Variants in MFSD11 observed in about 807,000 individuals in gnomAD.
The protein encoded by MFSD11 is UNC93-like protein MFSD11.
MFSD11 carries 36 observed loss-of-function variants against 53.5 expected under a neutral mutation model. That is an observed-to-expected ratio of 0.67 (90% CI 0.52 to 0.89). The LOEUF (loss-of-function observed/expected upper bound fraction) is 0.89. MFSD11 is among the 40% of genes least tolerant of loss of function. The probability of loss-of-function intolerance (pLI) is 0.00; values close to 1 mark genes in which losing one functional copy is unlikely to be tolerated. For missense variants in MFSD11, 530 were observed against 543.9 expected, an observed-to-expected ratio of 0.97 and a Z score of 0.25; for synonymous variants, 186 against 184.9, an observed-to-expected ratio of 1.01 and a Z score of -0.05.
At position 76,776,598 on chromosome 17, in the gene MFSD11, C is replaced by A; in HGVS notation, c.1185+57C>A. 1.4e-6 allele frequency: 2 copies of A among 1,473,360 alleles called. No homozygotes were observed. The highest frequency in any genetic ancestry group is 1.8e-6 in the Non-Finnish European group (2 of 1,096,672). 91.3% of individuals were successfully genotyped at this position (1,473,360 alleles called of 1,614,324 possible). On this transcript the variant is annotated intron_variant, in intron 12 of 12. Coordinates refer to ENST00000685175, the MANE Select transcript of MFSD11 (RefSeq NM_001242532.5). This position sits in a 1 kb window ranked among gnomAD's most constrained non-coding sequence, Gnocchi z 4.2. ...ATAGGGCTCTTCCCTTTGTGTATTG[C>A]CTTGTTTTCCTTGGTTACTTGTATT...
chr17:76,786,345 A>G (rs899443160), downstream of MFSD11, among the ~76,000 whole-genome samples: 1 of 151,894 alleles, frequency 6.6e-6, no homozygotes, highest in Non-Finnish European at 1.5e-5. Context: ...GGGTTTCGCC[A>G]TGTTGGCCAG....
chr17:76,766,219 C>G (rs2144732659), intron 8 of MFSD11, among the ~76,000 whole-genome samples: 1 of 151,688 alleles, frequency 6.6e-6, no homozygotes, highest in East Asian at 1.9e-4. Flanking sequence ...GAGTTCGAGA[C>G]CAGCCTGGCC....
At chr17:76,759,140 A>G (rs1320642473) in intron 8 of MFSD11, among the ~76,000 whole-genome samples, 2 of 152,136 alleles carry the variant, frequency 1.3e-5, no homozygotes, top group Admixed American at 1.3e-4. Flanking sequence ...CCCAGCTATT[A>G]ATACTTGGAG....
chr17:76,742,182 T>G lies in MFSD11; in HGVS notation c.346T>G (p.Trp116Gly). Reference protein sequence around the residue: ...VFIGIAAAVLWTAQGNCLTIN... With the variant: ...VFIGIAAAVLGTAQGNCLTIN... ...ACTTTTGGGTTGAATTTTAGTGCTTTGGACAGCACAAGGAAACTGCCTGAC... is the reference window on the plus strand; with the variant it reads ...ACTTTTGGGTTGAATTTTAGTGCTTGGGACAGCACAAGGAAACTGCCTGAC... Residue 116 changes from tryptophan (W) to glycine (G), a missense_variant, in exon 5 of 13, where the codon TGG (tryptophan) becomes GGG (glycine). By Grantham distance (184) the Trp-to-Gly change is radical. Transcript: ENST00000685175. The G allele has an allele frequency of 1.9e-6, 3 of 1,614,220 alleles. No homozygotes were observed. The highest frequency in any genetic ancestry group is 2.5e-6 in the Non-Finnish European group (3 of 1,180,038).
chr17:76,751,781 C>A (rs2144388179), intron 7 of MFSD11, among the ~76,000 whole-genome samples: 1 of 151,396 alleles, frequency 6.6e-6, no homozygotes, highest in South Asian at 2.1e-4. Flanking sequence ...ATCTTATTAA[C>A]AATTATGCTT....
the MFSD11 span, among the ~76,000 whole-genome samples, chr17:76,791,264 A>C: frequency 6.7e-6 from 1 of 149,232 alleles, no homozygotes; most frequent in South Asian, 2.2e-4. Flanking sequence ...AGAGAAGTCT[A>C]GTCCAGAGGA....
At chr17:76,770,039 T>TTC (rs2081252232) in intron 10 of MFSD11, among the ~76,000 whole-genome samples, 168 bp downstream of exon 10, 1 of 148,066 alleles carries the variant, frequency 6.8e-6, no homozygotes, top group African/African-American at 2.5e-5. Context: ...TTCTTTTTTT[T>TTC]TTTTTTTTTC....
intron 10 of MFSD11, among the ~76,000 whole-genome samples, chr17:76,773,841 C>T (rs1296660969): frequency 2.0e-5 from 3 of 152,004 alleles, no homozygotes; most frequent in African/African-American, 4.8e-5. Flanking sequence ...CTCTTGACCT[C>T]GTGATCTGCC....
At chr17:76,784,925 A>G (rs1021612246), downstream of MFSD11, among the ~76,000 whole-genome samples, 1 of 152,204 alleles carries the variant, frequency 6.6e-6, no homozygotes, top group Non-Finnish European at 1.5e-5. Flanking sequence ...AAAAAAACTT[A>G]TTCTCAACAA....
chr17:76,779,763 G>T (rs1164793196), downstream of MFSD11, among the ~76,000 whole-genome samples: 1 of 152,162 alleles, frequency 6.6e-6, no homozygotes, highest in Non-Finnish European at 1.5e-5. Context: ...GGGATTGCAG[G>T]GGTGAGCCAC....
intron 7 of MFSD11, among the ~76,000 whole-genome samples, chr17:76,746,353 C>G (rs979599793): frequency 1.3e-5 from 2 of 152,172 alleles, no homozygotes; most frequent in African/African-American, 4.8e-5. Flanking sequence ...CATAAAAGTG[C>G]AAGGTGAAAC....
At chr17:76,742,579 T>C (rs897321271) in intron 5 of MFSD11, among the ~76,000 whole-genome samples, 2 of 152,110 alleles carry the variant, frequency 1.3e-5, no homozygotes, top group Non-Finnish European at 2.9e-5. Context: ...CTCGGCTTAC[T>C]GCAAGCTCTG....
intron 8 of MFSD11, among the ~76,000 whole-genome samples, chr17:76,755,911 C>T (rs1334915185): frequency 2.1e-5 from 3 of 145,332 alleles, no homozygotes; most frequent in Non-Finnish European, 4.5e-5. Context: ...ACAACCTCCA[C>T]CTCCTGGGTT....
chr17:76,738,054 C>T (rs553744442), upstream of MFSD11: 867 of 427,324 alleles, frequency 2.0e-3, 1 homozygote, highest in Non-Finnish European at 2.9e-3. Context: ...GCACTTGGCC[C>T]TTTAATCCCC....
chr17:76,764,384 A>G (rs1450279546), intron 8 of MFSD11, among the ~76,000 whole-genome samples: 2 of 152,076 alleles, frequency 1.3e-5, no homozygotes, highest in South Asian at 2.1e-4. Flanking sequence ...AAAACTTTGT[A>G]CTCTTTAACC....
At chr17:76,753,531 G>T (rs1441827615) in intron 7 of MFSD11, among the ~76,000 whole-genome samples, 1 of 151,818 alleles carries the variant, frequency 6.6e-6, no homozygotes, top group Non-Finnish European at 1.5e-5. Flanking sequence ...AAATTATCTG[G>T]GTGTGGTGGG....
At chr17:76,747,719 C>A (rs1598528438) in intron 7 of MFSD11, among the ~76,000 whole-genome samples, 1 of 152,218 alleles carries the variant, frequency 6.6e-6, no homozygotes, top group East Asian at 1.9e-4. Context: ...AAAACTGACC[C>A]CCCCATTCAG....
At chr17:76,779,719 A>G (rs929667255), downstream of MFSD11, among the ~76,000 whole-genome samples, 5 of 152,170 alleles carry the variant, frequency 3.3e-5, no homozygotes, top group Admixed American at 1.3e-4. Flanking sequence ...TCCTGACCTC[A>G]GGTGATTCAC....
chr17:76,769,401 T>G (rs1226563805), intron 9 of MFSD11: 2 of 169,136 alleles, frequency 1.2e-5, no homozygotes, highest in Non-Finnish European at 2.5e-5. Flanking sequence ...GAAGCAAGCT[T>G]TTTGTTGTCT....
Sources: gnomAD v4.1 joint callset for allele counts (sites outside exome capture counted in the v4.1 genomes callset) on GRCh38, gnomAD v4.1.1 for gene constraint, Gnocchi (gnomAD v3.1) non-coding constraint, MANE v1.5 for transcripts, NCBI Gene and HGNC (gene_info 2026-07-23, HGNC 2026-07-21) for gene names.